Variants in ERFL observed in about 807,000 individuals in gnomAD.
The protein encoded by ERFL is ETS repressor factor like.
ERFL carries 8 observed loss-of-function variants against 27.9 expected under a neutral mutation model. That is an observed-to-expected ratio of 0.29 (90% CI 0.17 to 0.52). The LOEUF is 0.52. ERFL is among the 20% of genes least tolerant of loss of function. The pLI, the probability that ERFL is intolerant of heterozygous loss-of-function variation, is 0.97. For missense variants in ERFL, 294 were observed against 444.4 expected, an observed-to-expected ratio of 0.66 and a Z score of 3.04; for synonymous variants, 174 against 202.8, an observed-to-expected ratio of 0.86 and a Z score of 1.21.
chr19:41,917,846 C>A lies in ERFL; in HGVS notation c.-13-4914G>T, dbSNP rs1275055179. ...GCCATGGGACGGCTGCCAGCCCCAC[C>A]CATCTGTTGCCACACAAACGAGCCC... On this transcript the variant is annotated intron_variant, in intron 1 of 5. Coordinates refer to ENST00000597630, the MANE Select transcript of ERFL (RefSeq NM_001365103.2). This position sits in a 1 kb window ranked among gnomAD's most constrained non-coding sequence, Gnocchi z 4.8. Among the ~76,000 whole-genome samples the A allele has an allele frequency of 2.6e-5, 4 of 151,924 alleles. No individual in the cohort carries two copies. The highest frequency in any genetic ancestry group is 9.7e-5 in the African/African-American group (4 of 41,304).
rs114144632 is a variant in ERFL at position 41,919,426 on chromosome 19, C to T, written c.-13-6494G>A. On this transcript the variant is annotated intron_variant, in intron 1 of 5. Coordinates refer to ENST00000597630, the MANE Select transcript of ERFL (RefSeq NM_001365103.2). ...TCAGTGCTCTTTAGGGCTGGACACA[C>T]AGTATCACTCAATTGTTATGAACCA... Among the ~76,000 whole-genome samples the T allele has an allele frequency of 3.6e-3, 541 of 152,270 alleles. 1 individual carries two copies. Among genetic ancestry groups the T allele is most frequent in the African/African-American group, 0.013 (522 of 41,538 alleles).
chr19:41,920,196 TCA>T (rs1397367776), intron 1 of ERFL, among the ~76,000 whole-genome samples: 1 of 100,316 alleles, frequency 1.0e-5, no homozygotes, highest in Non-Finnish European at 1.9e-5. Flanking sequence ...AGACATGCGC[TCA>T]CAGACATGAC....
chr19:41,914,606 CT>C lies in ERFL; in HGVS notation c.-13-1675del, dbSNP rs1568831729. On this transcript the variant is annotated intron_variant, in intron 1 of 5. Coordinates refer to ENST00000597630, the MANE Select transcript of ERFL (RefSeq NM_001365103.2). The stretch of plus-strand genomic sequence containing the variant: ...CCCTCCCTTTCCACCATCTCTGTCT[CT>C]CCCTCCCCTTCCACCATCTCTGTCT... 1.5e-3 allele frequency among the ~76,000 whole-genome samples: 88 copies of C among 59,580 alleles called. 10 individuals are homozygous for C. The highest frequency in any genetic ancestry group is 2.0e-3 in the Non-Finnish European group (63 of 31,178). The allele number at this position is 59,580 out of a possible 152,430, so 39.1% of individuals were successfully genotyped here. A position where few individuals can be genotyped will look rare whatever the true frequency, so the allele number is the denominator to read the frequency against.
rs1568832181 is a variant in ERFL at position 41,914,742 on chromosome 19, TGTCTCTCCCTCCCCTTCCACC to T, written c.-13-1831_-13-1811del. On this transcript the variant is annotated intron_variant, in intron 1 of 5. Transcript: ENST00000597630. ...TCTCTCCCTCCCCTTCCACCATCTC[TGTCTCTCCCTCCCCTTCCACC>T]GTCTCTGTCTCTCCCTCCCCTTCCA... Among the ~76,000 whole-genome samples the T allele has an allele frequency of 8.6e-4, 20 of 23,352 alleles. 1 individual carries two copies. Among genetic ancestry groups the T allele is most frequent in the South Asian group, 2.6e-3 (1 of 392 alleles). 15.3% of individuals were successfully genotyped at this position (23,352 alleles called of 152,430 possible). A position where few individuals can be genotyped will look rare whatever the true frequency, so the allele number is the denominator to read the frequency against.
At chr19:41,911,578 C>T (rs1328554917) in intron 2 of ERFL, among the ~76,000 whole-genome samples, 1 of 152,152 alleles carries the variant, frequency 6.6e-6, no homozygotes, top group East Asian at 1.9e-4. Context: ...GCCTGAAGGC[C>T]GGGGAGCTCC....
At chr19:41,915,543 C>T (rs112867355) in intron 1 of ERFL, among the ~76,000 whole-genome samples, 4,075 of 152,042 alleles carry the variant, frequency 0.027, 183 homozygotes, top group African/African-American at 0.093. Context: ...TGTCTAGGGT[C>T]TCCACACCCC....
At chr19:41,919,745 CA>C (rs1478824766) in intron 1 of ERFL, among the ~76,000 whole-genome samples, 1 of 152,052 alleles carries the variant, frequency 6.6e-6, no homozygotes, top group Non-Finnish European at 1.5e-5. Context: ...TTGGTCCTTC[CA>C]CCCTGTTTCT....
intron 1 of ERFL, among the ~76,000 whole-genome samples, chr19:41,915,162 C>T (rs1249360035): frequency 1.1e-5 from 1 of 93,294 alleles, no homozygotes; most frequent in Non-Finnish European, 2.0e-5. Flanking sequence ...CCTCTCATTT[C>T]CGTGTTGGTT....
intron 1 of ERFL, among the ~76,000 whole-genome samples, chr19:41,915,256 G>A (rs2074793871): frequency 6.7e-6 from 1 of 150,208 alleles, no homozygotes; most frequent in African/African-American, 2.5e-5. Context: ...CGGCGCTCCG[G>A]GCCCTGCTCC....
chr19:41,919,108 C>T (rs1385317862), intron 1 of ERFL, among the ~76,000 whole-genome samples: 1 of 151,728 alleles, frequency 6.6e-6, no homozygotes, highest in Non-Finnish European at 1.5e-5. Context: ...ACACATAACA[C>T]ACATACCACA....
At chr19:41,927,923 A>C (rs1214439667) in intron 1 of ERFL, 117 bp downstream of exon 1, 1 of 149,516 alleles carries the variant, frequency 6.7e-6, no homozygotes, top group Non-Finnish European at 1.5e-5. Flanking sequence ...CTACCCCTCC[A>C]CCGGCTCGGA....
chr19:41,927,492 A>C (rs759477495), intron 1 of ERFL, among the ~76,000 whole-genome samples: 1 of 151,964 alleles, frequency 6.6e-6, no homozygotes, highest in Non-Finnish European at 1.5e-5. Flanking sequence ...GCTGATCCCC[A>C]GTCCCAGATA....
intron 1 of ERFL, among the ~76,000 whole-genome samples, chr19:41,919,381 CAAACATA>C (rs1217130310): frequency 7.9e-4 from 120 of 152,260 alleles, no homozygotes; most frequent in African/African-American, 2.7e-3. Flanking sequence ...CATACACAAT[CAAACATA>C]CACAAACAGT....
In ERFL at chr19:41,916,214, A is replaced by T. The variant is rs112123104; in HGVS notation, c.-13-3282T>A. Among the ~76,000 whole-genome samples, 4,075 of 151,256 alleles carry T rather than the reference A, an allele frequency of 0.027. 186 individuals carry two copies. Among genetic ancestry groups the T allele is most frequent in the African/African-American group, 0.093 (3,836 of 41,208 alleles). On this transcript the variant is annotated intron_variant, in intron 1 of 5. Transcript: ENST00000597630. The surrounding 1 kb of genome is among the most constrained non-coding windows in gnomAD (Gnocchi z 5.4). Reference sequence around the variant, plus strand: ...GTCCCACACAGCACACATCGCACAGATGCACACACCAGCACAGCCACACAC... The same window carrying T: ...GTCCCACACAGCACACATCGCACAGTTGCACACACCAGCACAGCCACACAC...
rs1166547861 is a variant in ERFL at position 41,909,520 on chromosome 19, C to T, written c.303-49G>A. ...GGGAGGTGCAGGGGGAGCCCTGGGG[C>T]GGGATCTGGGGTTTCTTAATGCGTG... On this transcript the variant is annotated intron_variant, in intron 3 of 5. Transcript: ENST00000597630. This position sits in a 1 kb window ranked among gnomAD's most constrained non-coding sequence, Gnocchi z 5.2. The T allele has an allele frequency of 5.7e-6, 7 of 1,233,364 alleles. No homozygotes were observed. Among genetic ancestry groups the T allele is most frequent in the Admixed American group, 8.0e-5 (2 of 24,932 alleles). 76.4% of individuals were successfully genotyped at this position (1,233,364 alleles called of 1,614,324 possible). A position where few individuals can be genotyped will look rare whatever the true frequency, so the allele number is the denominator to read the frequency against.
chr19:41,925,878 G>A (rs782215996), intron 1 of ERFL, among the ~76,000 whole-genome samples: 1 of 152,064 alleles, frequency 6.6e-6, no homozygotes, highest in African/African-American at 2.4e-5. Context: ...GAGGAGGATG[G>A]GTGAGGGCCA....
At chr19:41,912,692 G>C (rs1555851366) in intron 2 of ERFL, among the ~76,000 whole-genome samples, 161 bp downstream of exon 2, 1 of 152,148 alleles carries the variant, frequency 6.6e-6, no homozygotes, top group African/African-American at 2.4e-5. Flanking sequence ...TTTTAGCCAA[G>C]TTTCTCAGAA....
chr19:41,908,218 C>G lies in ERFL; in HGVS notation c.*10G>C. On this transcript the variant is annotated 3_prime_UTR_variant, in exon 6 of 6. Transcript: ENST00000597630. The surrounding 1 kb of genome is among the most constrained non-coding windows in gnomAD (Gnocchi z 6.7). ...CCCTGCCTCAGCAGAATCCATTGCCCCCTGCCGGCTCAGCTGCCGGTCCCC... is the reference window on the plus strand; with the variant it reads ...CCCTGCCTCAGCAGAATCCATTGCCGCCTGCCGGCTCAGCTGCCGGTCCCC... 3 of 1,231,790 alleles carry G rather than the reference C, an allele frequency of 2.4e-6. No homozygotes were observed. Among genetic ancestry groups the G allele is most frequent in the Non-Finnish European group, 3.0e-6 (3 of 988,016 alleles). 76.3% of individuals were successfully genotyped at this position (1,231,790 alleles called of 1,614,324 possible). A position where few individuals can be genotyped will look rare whatever the true frequency, so the allele number is the denominator to read the frequency against.
At chr19:41,920,403 C>G (rs1484550953) in intron 1 of ERFL, among the ~76,000 whole-genome samples, 1 of 133,544 alleles carries the variant, frequency 7.5e-6, no homozygotes. Flanking sequence ...CCAGATGTGA[C>G]ACACTCACAG....
Sources: gnomAD v4.1 joint callset for allele counts (sites outside exome capture counted in the v4.1 genomes callset) on GRCh38, gnomAD v4.1.1 for gene constraint, Gnocchi (gnomAD v3.1) non-coding constraint, MANE v1.5 for transcripts, NCBI Gene and HGNC (gene_info 2026-07-23, HGNC 2026-07-21) for gene names.